The following DCC variants were observed in gnomAD, a reference collection of about 807,000 sequenced individuals.
DCC encodes the protein netrin receptor DCC.
In DCC, 58 loss-of-function variants were observed where a neutral mutation model predicts 172.5. The ratio of observed to expected loss-of-function variants is 0.34; its 90% CI spans 0.27 to 0.42. The LOEUF (loss-of-function observed/expected upper bound fraction) is 0.42. DCC is among the 10% of genes least tolerant of loss of function. The pLI, the probability that DCC is intolerant of heterozygous loss-of-function variation, is 1.00. For synonymous variants in DCC, 709 were observed against 644.5 expected, an observed-to-expected ratio of 1.10 and a Z score of -1.52; for missense variants, 1,740 against 1,791.0, an observed-to-expected ratio of 0.97 and a Z score of 0.51.
intron 1 of DCC, among the ~76,000 whole-genome samples, chr18:52,399,226 G>A (rs1986346371): frequency 6.6e-6 from 1 of 151,762 alleles, no homozygotes; most frequent in Non-Finnish European, 1.5e-5. Context: ...CTGGACAAAA[G>A]GAGGAGTTTG....
intron 1 of DCC, among the ~76,000 whole-genome samples, chr18:52,503,128 A>C (rs1332012050): frequency 6.6e-6 from 1 of 152,210 alleles, no homozygotes; most frequent in Non-Finnish European, 1.5e-5. Flanking sequence ...CAACATAAAC[A>C]ACCACAGCAA....
intron 1 of DCC, among the ~76,000 whole-genome samples, chr18:52,626,405 T>C (rs1234114508): frequency 1.3e-5 from 2 of 152,204 alleles, no homozygotes; most frequent in Non-Finnish European, 2.9e-5. Flanking sequence ...AGCTCTTAAT[T>C]GTTCTCCTGG....
At chr18:53,286,472 T>C (rs2056937087) in intron 12 of DCC, among the ~76,000 whole-genome samples, 1 of 152,188 alleles carries the variant, frequency 6.6e-6, no homozygotes, top group Non-Finnish European at 1.5e-5. Flanking sequence ...TCTAGTGACT[T>C]GGAACTGTAA....
intron 3 of DCC, among the ~76,000 whole-genome samples, chr18:52,920,873 G>T (rs369002631): frequency 4.6e-5 from 7 of 152,108 alleles, no homozygotes; most frequent in East Asian, 1.9e-4. Context: ...CCATGAAAAT[G>T]CATGAAGGAA....
At chr18:53,181,468 C>T (rs1278750004) in intron 9 of DCC, among the ~76,000 whole-genome samples, 5 of 133,462 alleles carry the variant, frequency 3.7e-5, no homozygotes, top group Non-Finnish European at 8.0e-5. Context: ...AAAGTATTTT[C>T]GTTTTTGACA....
At chr18:52,969,695 A>G (rs994543425) in intron 5 of DCC, among the ~76,000 whole-genome samples, 1 of 150,988 alleles carries the variant, frequency 6.6e-6, no homozygotes, top group Non-Finnish European at 1.5e-5. Context: ...TCTAATTTGA[A>G]TATATTTCTT....
intron 7 of DCC, among the ~76,000 whole-genome samples, chr18:53,155,352 A>G (rs1483361170): frequency 2.0e-5 from 3 of 152,190 alleles, no homozygotes; most frequent in African/African-American, 7.2e-5. Context: ...TGAAGATTTT[A>G]TATCCGCAAA....
intron 7 of DCC, among the ~76,000 whole-genome samples, chr18:53,156,504 A>G (rs1027855008): frequency 1.3e-4 from 19 of 151,568 alleles, no homozygotes; most frequent in African/African-American, 4.1e-4. Flanking sequence ...AAAAAAAAAG[A>G]ATCAACTTCG....
chr18:52,823,939 C>T (rs1269589533), intron 2 of DCC, among the ~76,000 whole-genome samples: 3 of 152,180 alleles, frequency 2.0e-5, no homozygotes, highest in Non-Finnish European at 2.9e-5. Flanking sequence ...GTTGTTTATA[C>T]AGCTTGTACT....
rs569023740 is a variant in DCC, at chr18:52,851,615, CTCT to C, written c.413-54424_413-54422del. Among the ~76,000 whole-genome samples the C allele has an allele frequency of 7.3e-3, 1,104 of 152,194 alleles. 12 individuals are homozygous for C. The highest frequency in any genetic ancestry group is 0.012 in the Non-Finnish European group (844 of 67,952). On this transcript the variant is annotated intron_variant, in intron 2 of 28. Coordinates refer to ENST00000442544, the MANE Select transcript of DCC (RefSeq NM_005215.4). ...AAATTCCCTTAGCCCTCCTAGTCTG[CTCT>C]TCTTTTCCAAACAAATAGCAAATTG...
chr18:53,204,792 A>G (rs2055599199), intron 9 of DCC, among the ~76,000 whole-genome samples: 1 of 152,188 alleles, frequency 6.6e-6, no homozygotes, highest in South Asian at 2.1e-4. Context: ...ACCTATTTTA[A>G]TTATAAGTAG....
At chr18:52,726,269 C>A (rs2036550571) in intron 1 of DCC, among the ~76,000 whole-genome samples, 1 of 152,184 alleles carries the variant, frequency 6.6e-6, no homozygotes, top group African/African-American at 2.4e-5. Flanking sequence ...ATGCTTGCCT[C>A]CGGAGTCTGC....
At chr18:53,190,903 G>A (rs1005180967) in intron 9 of DCC, among the ~76,000 whole-genome samples, 1 of 152,160 alleles carries the variant, frequency 6.6e-6, no homozygotes, top group Non-Finnish European at 1.5e-5. Context: ...CCGAGATCGC[G>A]TCACTGCACT....
intron 17 of DCC, among the ~76,000 whole-genome samples, chr18:53,393,965 G>A (rs1019935573): frequency 5.4e-5 from 8 of 149,532 alleles, no homozygotes; most frequent in African/African-American, 2.0e-4. Context: ...ATATGAGGAG[G>A]GTTAGAGAAA....
intron 12 of DCC, among the ~76,000 whole-genome samples, chr18:53,277,999 G>C (rs768997477): frequency 2.0e-5 from 3 of 152,086 alleles, no homozygotes; most frequent in Admixed American, 6.6e-5. Context: ...TAGGTATTCT[G>C]TTCACACACA....
At chr18:53,449,482 G>C (rs150357200) in intron 22 of DCC, among the ~76,000 whole-genome samples, 1 of 152,142 alleles carries the variant, frequency 6.6e-6, no homozygotes. Context: ...TTTTGAACCC[G>C]GTGGCTGCTT....
chr18:52,901,939 C>A (rs2145439647), intron 2 of DCC, among the ~76,000 whole-genome samples: 1 of 152,156 alleles, frequency 6.6e-6, no homozygotes, highest in Middle Eastern at 3.4e-3. Context: ...ATTGTGAGTA[C>A]TATAAAAATT....
At chr18:53,474,659 A>G (rs2145196467) in intron 25 of DCC, among the ~76,000 whole-genome samples, 1 of 152,370 alleles carries the variant, frequency 6.6e-6, no homozygotes, top group African/African-American at 2.4e-5. Context: ...CTCCCCAGCC[A>G]CATGGAACTG....
chr18:52,764,851 C>T (rs2037218387), intron 2 of DCC, among the ~76,000 whole-genome samples: 1 of 152,114 alleles, frequency 6.6e-6, no homozygotes, highest in Non-Finnish European at 1.5e-5. Flanking sequence ...ACTCCATGAA[C>T]TATCTTGGGA....
Sources: gnomAD v4.1 joint callset for allele counts (sites outside exome capture counted in the v4.1 genomes callset) on GRCh38, gnomAD v4.1.1 for gene constraint, MANE v1.5 for transcripts, NCBI Gene and HGNC (gene_info 2026-07-23, HGNC 2026-07-21) for gene names.